MYO1D: variants seen among roughly 807,000 people sequenced by gnomAD.
MYO1D encodes the protein unconventional myosin-Id.
A neutral mutation model predicts 122.0 loss-of-function variants in MYO1D; 83 were observed. That is an observed-to-expected ratio of 0.68 (90% CI 0.57 to 0.82). The LOEUF is 0.82. MYO1D is among the 40% of genes least tolerant of loss of function. The probability of loss-of-function intolerance (pLI) is 0.00; values close to 1 mark genes in which losing one functional copy is unlikely to be tolerated. For synonymous variants in MYO1D, 464 were observed against 446.9 expected (o/e 1.04, Z -0.48); for missense variants, 1,157 against 1,269.5 (o/e 0.91, Z 1.35).
At chr17:32,828,515 CAAAAAAAAAAAA>C (rs137921871) in intron 1 of MYO1D, among the ~76,000 whole-genome samples, 11 of 71,808 alleles carry the variant, frequency 1.5e-4, no homozygotes, top group African/African-American at 4.0e-4. Context: ...GACTCCGTCT[CAAAAAAAAAAAA>C]AAAAAAAAAA....
At position 32,811,616 on chromosome 17, in the gene MYO1D, CTTTTTTTTTTTTTTT is replaced by C. The variant is rs755189217; in HGVS notation, c.96-30847_96-30833del. On this transcript the variant is annotated intron_variant, in intron 1 of 21. Transcript: ENST00000318217. ...ACATTTATCTCCCAACCCTCACCCT[CTTTTTTTTTTTTTTT>C]TTTTTTTTTTTGCCAGGAGGGCTCT... Among the ~76,000 whole-genome samples the C allele has an allele frequency of 1.8e-3, 102 of 57,538 alleles. 3 individuals are homozygous for C. Among genetic ancestry groups the C allele is most frequent in the African/African-American group, 5.7e-3 (98 of 17,332 alleles). 37.7% of individuals were successfully genotyped at this position (57,538 alleles called of 152,430 possible). A position where few individuals can be genotyped will look rare whatever the true frequency, so the allele number is the denominator to read the frequency against.
intron 19 of MYO1D, among the ~76,000 whole-genome samples, chr17:32,642,869 A>G (rs543777893): frequency 6.6e-6 from 1 of 152,324 alleles, no homozygotes; most frequent in South Asian, 2.1e-4. Flanking sequence ...GTCATCTGCA[A>G]ACAGGGACAA....
chr17:32,714,674 A>C (rs1439094019), intron 15 of MYO1D, among the ~76,000 whole-genome samples: 2 of 152,222 alleles, frequency 1.3e-5, no homozygotes, highest in East Asian at 3.8e-4. Flanking sequence ...AACTAACTCA[A>C]GGTGGATTAA....
chr17:32,816,794 T>TA (rs2090616971), intron 1 of MYO1D, among the ~76,000 whole-genome samples: 1 of 152,224 alleles, frequency 6.6e-6, no homozygotes, highest in Admixed American at 6.5e-5. Flanking sequence ...AGTATGAGTT[T>TA]AAAATTCAAC....
intron 21 of MYO1D, among the ~76,000 whole-genome samples, chr17:32,496,636 C>G (rs1292463827): frequency 6.6e-6 from 1 of 152,192 alleles, no homozygotes; most frequent in South Asian, 2.1e-4. Flanking sequence ...GGTCCCTGAG[C>G]TGGGGTGGCC....
chr17:32,876,623 C>T (rs2091233993), intron 1 of MYO1D, 155 bp downstream of exon 1: 1 of 544,988 alleles, frequency 1.8e-6, no homozygotes, highest in Non-Finnish European at 3.0e-6. Flanking sequence ...AGCGCAGCCG[C>T]GGAGCTTGGC....
At chr17:32,674,687 A>C (rs147077750) in intron 16 of MYO1D, among the ~76,000 whole-genome samples, 10 of 152,354 alleles carry the variant, frequency 6.6e-5, no homozygotes, top group African/African-American at 2.4e-4. Context: ...TTTGGGAAAC[A>C]GTCATTTTTC....
At chr17:32,502,747 A>G (rs541415133) in intron 21 of MYO1D, among the ~76,000 whole-genome samples, 1 of 152,332 alleles carries the variant, frequency 6.6e-6, no homozygotes, top group East Asian at 1.9e-4. Context: ...GCTTGGGGTC[A>G]GTGACTTCTT....
intron 16 of MYO1D, among the ~76,000 whole-genome samples, chr17:32,662,835 C>G (rs1424854947): frequency 6.6e-6 from 1 of 151,928 alleles, no homozygotes; most frequent in African/African-American, 2.4e-5. Flanking sequence ...GGTGAGTAGT[C>G]AGTGCCCAAT....
chr17:32,621,160 A>G (rs547599982), intron 20 of MYO1D, among the ~76,000 whole-genome samples: 1 of 152,260 alleles, frequency 6.6e-6, no homozygotes, highest in African/African-American at 2.4e-5. Context: ...ACATGCGGTC[A>G]GATGTGGAAT....
intron 20 of MYO1D, among the ~76,000 whole-genome samples, chr17:32,609,726 G>A (rs1692005532): frequency 6.6e-6 from 1 of 151,964 alleles, no homozygotes; most frequent in Admixed American, 6.6e-5. Flanking sequence ...TTCATAGGAG[G>A]TGAGTTCTTG....
intron 21 of MYO1D, among the ~76,000 whole-genome samples, chr17:32,511,256 C>T (rs895526367): frequency 6.6e-6 from 1 of 151,802 alleles, no homozygotes; most frequent in Admixed American, 6.6e-5. Context: ...GGTCTTGCTG[C>T]TCTGTTGCTC....
chr17:32,521,005 T>C (rs62062462), intron 21 of MYO1D, among the ~76,000 whole-genome samples: 58,398 of 152,088 alleles, frequency 0.38, 14,154 homozygotes, highest in Non-Finnish European at 0.54. Flanking sequence ...GCCCCTTTGT[T>C]CAGCAAAATC....
intron 19 of MYO1D, among the ~76,000 whole-genome samples, chr17:32,648,461 T>C (rs886955241): frequency 2.6e-5 from 4 of 152,194 alleles, no homozygotes; most frequent in African/African-American, 9.6e-5. Context: ...AGAGTTTCTA[T>C]CTGCTAATCA....
intron 21 of MYO1D, among the ~76,000 whole-genome samples, chr17:32,521,097 C>T (rs888603395): frequency 6.6e-6 from 1 of 152,192 alleles, no homozygotes; most frequent in African/African-American, 2.4e-5. Flanking sequence ...AGAACTGGGC[C>T]TTGAGAAAAG....
At chr17:32,628,788 G>A (rs1163342201) in intron 20 of MYO1D, among the ~76,000 whole-genome samples, 2 of 152,158 alleles carry the variant, frequency 1.3e-5, no homozygotes, top group African/African-American at 2.4e-5. Context: ...AATTCCTGGT[G>A]GAAATGGAAA....
At chr17:32,566,017 A>ATG (rs2087170402) in intron 21 of MYO1D, among the ~76,000 whole-genome samples, 2 of 151,800 alleles carry the variant, frequency 1.3e-5, no homozygotes, top group East Asian at 1.9e-4. Flanking sequence ...GAGCCACCGC[A>ATG]CCCGGCCTTC....
At chr17:32,546,206 T>C (rs2086963733) in intron 21 of MYO1D, among the ~76,000 whole-genome samples, 1 of 152,212 alleles carries the variant, frequency 6.6e-6, no homozygotes, top group African/African-American at 2.4e-5. Flanking sequence ...CACTATGGAC[T>C]TAGCCACTTT....
chr17:32,511,531 G>C (rs1038170395), intron 21 of MYO1D, among the ~76,000 whole-genome samples: 1 of 151,708 alleles, frequency 6.6e-6, no homozygotes, highest in Non-Finnish European at 1.5e-5. Flanking sequence ...CTCATCTCTT[G>C]ATGCTCTTGC....
Sources: allele counts gnomAD v4.1 joint callset (sites outside exome capture counted in the v4.1 genomes callset), GRCh38; gene constraint gnomAD v4.1.1; transcripts MANE v1.5; gene names NCBI Gene and HGNC (gene_info 2026-07-23, HGNC 2026-07-21).